FBRSL1: variants seen among roughly 807,000 people sequenced by gnomAD.
FBRSL1 encodes the protein fibrosin-1-like protein.
Under a neutral mutation model 89.6 loss-of-function variants are expected in FBRSL1, and 51 were observed. The observed-to-expected ratio is 0.57, with a 90% CI of 0.45 to 0.72. The LOEUF (loss-of-function observed/expected upper bound fraction) is 0.72, where lower values mean the gene tolerates loss of function less well. Among genes scored for constraint, FBRSL1 ranks in the 30% least tolerant of loss-of-function variants. The pLI, the probability that FBRSL1 is intolerant of heterozygous loss-of-function variation, is 0.00. For synonymous variants in FBRSL1, 779 were observed against 681.1 expected (o/e 1.14, Z -2.24); for missense variants, 1,618 against 1,451.8 (o/e 1.11, Z -1.86).
chr12:132,530,652 C>T (rs965270688), intron 4 of FBRSL1, among the ~76,000 whole-genome samples: 1 of 150,720 alleles, frequency 6.6e-6, no homozygotes, highest in African/African-American at 2.4e-5. Context: ...CCGTTATTAA[C>T]TTGCCAGCTG....
intron 1 of FBRSL1, among the ~76,000 whole-genome samples, chr12:132,497,766 G>A (rs2032284853): frequency 6.6e-6 from 1 of 152,192 alleles, no homozygotes; most frequent in South Asian, 2.1e-4. Context: ...GTGGCCCGGG[G>A]TCAGGCCCTG....
At chr12:132,521,954 G>A (rs552884683) in intron 2 of FBRSL1, among the ~76,000 whole-genome samples, 4 of 152,174 alleles carry the variant, frequency 2.6e-5, no homozygotes, top group Non-Finnish European at 2.9e-5. Context: ...CGATGAGTCC[G>A]TGTGCATGGG....
intron 2 of FBRSL1, chr12:132,512,099 G>C (rs1349207850): frequency 1.2e-6 from 1 of 822,434 alleles, no homozygotes; most frequent in African/African-American, 1.9e-5. Context: ...TGACCTTCCT[G>C]CCCACCCATC....
In FBRSL1 at chr12:132,583,497, C is replaced by T. The variant is rs1158599664; in HGVS notation, c.2728C>T (p.Leu910=). 2.9e-6 allele frequency: 3 copies of T among 1,044,728 alleles called. No homozygotes were observed. Among genetic ancestry groups the T allele is most frequent in the Non-Finnish European group, 3.5e-6 (3 of 867,856 alleles). The allele number at this position is 1,044,728 out of a possible 1,614,324, so 64.7% of individuals were successfully genotyped here. ...GELERARAPH[L]PPAAPALDGA... Reference sequence around the variant, plus strand: ...GCTGGAGCGCGCGCGGGCCCCGCACCTGCCGCCCGCCGCCCCCGCCTTGGA... The same window carrying T: ...GCTGGAGCGCGCGCGGGCCCCGCACTTGCCGCCCGCCGCCCCCGCCTTGGA... Residue 910 remains leucine (L), a synonymous_variant, in exon 19 of 19, where the codon CTG becomes TTG. Transcript: ENST00000680143.
intron 5 of FBRSL1, chr12:132,551,767 G>A: frequency 2.8e-6 from 1 of 361,078 alleles, no homozygotes; most frequent in Admixed American, 3.4e-5. Context: ...GCAGCTGACG[G>A]GAGGCTCGGG....
rs1026281858 is a variant in FBRSL1 at position 132,508,155 on chromosome 12, G to T, written c.294G>T (p.Lys98Asn). ...ASFSTLEALE[K>N]DMALKPHERK... ...GGCGTTTCCCTGTCTCCCTGCAGAAGGATATGGCCCTGAAGCCACATGAGC... is the reference window on the plus strand; with the variant it reads ...GGCGTTTCCCTGTCTCCCTGCAGAATGATATGGCCCTGAAGCCACATGAGC... Residue 98 changes from lysine (K) to asparagine (N), a missense_variant and splice_region_variant, in exon 2 of 19, where the codon AAG becomes AAT. Transcript: ENST00000680143. The T allele has an allele frequency of 6.4e-7, 1 of 1,550,966 alleles. No individual in the cohort carries two copies. The highest frequency in any genetic ancestry group is 1.2e-5 in the South Asian group (1 of 84,074).
At chr12:132,522,710 C>CCTT (rs968120542) in intron 2 of FBRSL1, among the ~76,000 whole-genome samples, 14 of 152,330 alleles carry the variant, frequency 9.2e-5, no homozygotes, top group African/African-American at 3.1e-4. Context: ...ACTCAGCCTT[C>CCTT]CTTCCCCACC....
intron 1 of FBRSL1, among the ~76,000 whole-genome samples, chr12:132,501,467 C>T (rs928851954): frequency 3.3e-5 from 5 of 152,104 alleles, no homozygotes; most frequent in Non-Finnish European, 5.9e-5. Flanking sequence ...GGGGGAGGGG[C>T]TCCCAGGGCC....
intron 1 of FBRSL1, 24 bp downstream of exon 1, chr12:132,490,885 C>G: frequency 5.7e-6 from 7 of 1,225,320 alleles, no homozygotes; most frequent in Non-Finnish European, 7.5e-6. Flanking sequence ...TGCGGCTTCG[C>G]AGGCGTTGAG....
At chr12:132,572,237 A>G in intron 9 of FBRSL1, 51 bp from the exon 10 acceptor site, 2 of 1,515,144 alleles carry the variant, frequency 1.3e-6, no homozygotes, top group Non-Finnish European at 9.0e-7. Flanking sequence ...CCCGGGGCCC[A>G]GCAACGGTGT....
At chr12:132,509,718 C>G in intron 2 of FBRSL1, 1 of 1,231,328 alleles carries the variant, frequency 8.1e-7, no homozygotes, top group Non-Finnish European at 1.0e-6. Context: ...GCACCGCTGC[C>G]GACCCCTGCG....
chr12:132,507,795 G>A (rs1243970728), intron 1 of FBRSL1, among the ~76,000 whole-genome samples: 1 of 152,108 alleles, frequency 6.6e-6, no homozygotes, highest in Non-Finnish European at 1.5e-5. Context: ...CCCACTGCAG[G>A]GCACTCGCTC....
intron 18 of FBRSL1, among the ~76,000 whole-genome samples, chr12:132,582,744 A>C (rs10870475): frequency 1.3e-5 from 2 of 151,864 alleles, no homozygotes; most frequent in Admixed American, 1.3e-4. Flanking sequence ...AAGTCGCTGC[A>C]GGCGGCTCAT....
intron 2 of FBRSL1, among the ~76,000 whole-genome samples, chr12:132,516,269 C>T (rs2034833664): frequency 6.6e-6 from 1 of 151,310 alleles, no homozygotes; most frequent in South Asian, 2.1e-4. Flanking sequence ...TGCGCAAGCT[C>T]TGCCTCCCGG....
At chr12:132,502,180 G>T (rs1353442564) in intron 1 of FBRSL1, among the ~76,000 whole-genome samples, 1 of 152,210 alleles carries the variant, frequency 6.6e-6, no homozygotes, top group Non-Finnish European at 1.5e-5. Flanking sequence ...GACAGAGGGG[G>T]CAGCTGCCTG....
chr12:132,578,113 C>G (rs986681095), intron 15 of FBRSL1, among the ~76,000 whole-genome samples: 7 of 152,226 alleles, frequency 4.6e-5, no homozygotes, highest in African/African-American at 1.7e-4. Context: ...TTGCTGAACA[C>G]CTGTTTTGTG....
At chr12:132,576,997 C>G in intron 15 of FBRSL1, 66 bp downstream of exon 15, 1 of 1,508,058 alleles carries the variant, frequency 6.6e-7, no homozygotes, top group South Asian at 1.3e-5. Flanking sequence ...CTGAGCCTGC[C>G]TTCCTGTGCC....
At chr12:132,509,357 G>T in intron 2 of FBRSL1, 3 of 1,245,082 alleles carry the variant, frequency 2.4e-6, no homozygotes, top group Non-Finnish European at 3.0e-6. Context: ...AGCGCAGCTG[G>T]CCCCAGCGGT....
chr12:132,582,278 T>C lies in FBRSL1; in HGVS notation c.2201+12T>C. The C allele has an allele frequency of 6.5e-7, 1 of 1,547,936 alleles. No individual in the cohort carries two copies. Among genetic ancestry groups the C allele is most frequent in the East Asian group, 2.4e-5 (1 of 40,820 alleles). On this transcript the variant is annotated intron_variant, in intron 18 of 18. Coordinates refer to ENST00000680143, the MANE Select transcript of FBRSL1 (RefSeq NM_001367871.1). ...GAGGAGCAGGAACGGTGAGTGGCCC[T>C]CTTGTTCCGTATCCCCACCACACAC...
Sources: gnomAD v4.1 joint callset for allele counts (sites outside exome capture counted in the v4.1 genomes callset) on GRCh38, gnomAD v4.1.1 for gene constraint, MANE v1.5 for transcripts, NCBI Gene and HGNC (gene_info 2026-07-23, HGNC 2026-07-21) for gene names.